HCN2: variants seen among roughly 807,000 people sequenced by gnomAD.
HCN2 encodes potassium/sodium hyperpolarization-activated cyclic nucleotide-gated channel 2.
Under a neutral mutation model 52.3 loss-of-function variants are expected in HCN2, and 20 were observed. The observed-to-expected ratio is 0.38, with a 90% CI of 0.27 to 0.56. The LOEUF (loss-of-function observed/expected upper bound fraction) is 0.56, where lower values mean the gene tolerates loss of function less well. Ranked by LOEUF, HCN2 falls within the 20% of genes least tolerant of loss-of-function variation. HCN2 has a pLI of 0.71. For missense variants in HCN2, 981 were observed against 1,207.7 expected (o/e 0.81, Z 2.78); for synonymous variants, 694 against 537.0 (o/e 1.29, Z -4.04).
chr19:615,375 G>A (rs1983851790), intron 7 of HCN2, among the ~76,000 whole-genome samples: 1 of 152,152 alleles, frequency 6.6e-6, no homozygotes, highest in African/African-American at 2.4e-5. Context: ...TTAGCCGGGT[G>A]TGGTGGCGGG....
rs1357528986 is a variant in HCN2, at chr19:616,923, C to T, written c.*449C>T. Reference sequence around the variant, plus strand: ...CCCATCGCGCTCACGCAATAACCGGCCCGGCCCCCGTCCGCGCGCGTCCCC... The same window carrying T: ...CCCATCGCGCTCACGCAATAACCGGTCCGGCCCCCGTCCGCGCGCGTCCCC... On this transcript the variant is annotated 3_prime_UTR_variant, in exon 8 of 8. Coordinates refer to ENST00000251287, the MANE Select transcript of HCN2 (RefSeq NM_001194.4). 6 of 354,148 alleles carry T rather than the reference C, an allele frequency of 1.7e-5. No individual in the cohort carries two copies. The highest frequency in any genetic ancestry group is 2.6e-5 in the Non-Finnish European group (5 of 189,034). The allele number at this position is 354,148 out of a possible 1,614,324, so 21.9% of individuals were successfully genotyped here.
At chr19:601,160 A>G (rs1254362389) in intron 1 of HCN2, among the ~76,000 whole-genome samples, 1 of 152,200 alleles carries the variant, frequency 6.6e-6, no homozygotes, top group Non-Finnish European at 1.5e-5. Flanking sequence ...TAAAAATACA[A>G]AAATGAGCCA....
Position 591,602 on chromosome 19 carries a change from G to C in HCN2, c.632+1025G>C, listed in dbSNP as rs1049799519. 6.6e-6 allele frequency among the ~76,000 whole-genome samples: 1 copy of C among 152,096 alleles called. No homozygotes were observed. The highest frequency in any genetic ancestry group is 2.1e-4 in the South Asian group (1 of 4,828). On this transcript the variant is annotated intron_variant, in intron 1 of 7. Transcript: ENST00000251287. This position sits in a 1 kb window ranked among gnomAD's most constrained non-coding sequence, Gnocchi z 4.1. ...GTGGGGTGTGAGGTGGGGTGTGGAG[G>C]GTGCAGGTGGAGGGTGTAGGTGGGG...
At position 608,062 on chromosome 19, in the gene HCN2, G is replaced by A. The variant is rs1356430532; in HGVS notation, c.1317G>A (p.Thr439=). The change falls in exon 4 of 8, where the codon ACG becomes ACA. Residue 439 remains threonine, a synonymous_variant. Transcript: ENST00000251287. ...GYGRQAPESM[T]DIWLTMLSMI... is the part of the protein sequence containing the mutation. ...GCCGGCAGGCGCCCGAGAGCATGAC[G>A]GACATCTGGCTGACCATGCTCAGCA... 17 of 1,612,966 alleles carry A rather than the reference G, an allele frequency of 1.1e-5. No homozygotes were observed. Among genetic ancestry groups the A allele is most frequent in the African/African-American group, 8.0e-5 (6 of 74,930 alleles).
rs1983783546 is a variant in HCN2, at chr19:613,937, C to T, written c.1911C>T (p.Asn637=). The T allele has an allele frequency of 5.6e-6, 9 of 1,603,742 alleles. No individual in the cohort carries two copies. The highest frequency in any genetic ancestry group is 7.7e-6 in the Non-Finnish European group (9 of 1,175,118). The change falls in exon 7 of 8, where the codon AAC becomes AAT. Residue 637 remains asparagine (N), a synonymous_variant. Transcript: ENST00000251287. ...YCRLYSLSVD[N]FNEVLEEYPM... ...GCCTCTATTCGCTGAGCGTGGACAA[C>T]TTCAACGAGGTGCTGGAGGAGTACC...
At chr19:608,314 G>A in intron 4 of HCN2, 132 bp downstream of exon 4, 4 of 814,272 alleles carry the variant, frequency 4.9e-6, no homozygotes, top group South Asian at 1.6e-5. Context: ...GTCTGAGGCT[G>A]GAGGGAGGCC....
In HCN2 at chr19:616,688, G is replaced by C. The variant is rs55760240; in HGVS notation, c.*214G>C. On this transcript the variant is annotated 3_prime_UTR_variant, in exon 8 of 8. Transcript: ENST00000251287. ...TCATCGCCCCGCGCCCACCCCCATC[G>C]CCCCTGCCCCCGGCGGCGGCCTCGC... The C allele has an allele frequency of 1.5e-5, 3 of 197,574 alleles. No individual in the cohort carries two copies. Among genetic ancestry groups the C allele is most frequent in the African/African-American group, 2.9e-5 (1 of 33,944 alleles). 12.2% of individuals were successfully genotyped at this position (197,574 alleles called of 1,614,324 possible). A position where few individuals can be genotyped will look rare whatever the true frequency, so the allele number is the denominator to read the frequency against.
At chr19:603,496 G>C (rs1365314987) in intron 1 of HCN2, 48 bp from the exon 2 acceptor site, 12 of 1,491,034 alleles carry the variant, frequency 8.0e-6, no homozygotes, top group Non-Finnish European at 9.2e-6. Flanking sequence ...GGTCCCGCAG[G>C]TGCCCCGGGG....
chr19:613,484 CGGGGGTGAGCTTGAG>C lies in HCN2; in HGVS notation c.1825+2_1825+16del. The C allele has an allele frequency of 7.3e-7, 1 of 1,372,270 alleles. No homozygotes were observed. The highest frequency in any genetic ancestry group is 9.6e-7 in the Non-Finnish European group (1 of 1,037,892). The allele number at this position is 1,372,270 out of a possible 1,614,324, so 85.0% of individuals were successfully genotyped here. On this transcript the variant is annotated splice_donor_variant and splice_donor_5th_base_variant and coding_sequence_variant and intron_variant, in exon 6 of 8. Coordinates refer to ENST00000251287, the MANE Select transcript of HCN2 (RefSeq NM_001194.4). LOFTEE classifies it high-confidence loss of function. ...TGAAGCTGTCCGATGGCTCCTACTTCGGGGGTGAGCTTGAGGGGGGCGCGCCTGGAGGGGGAGGGG... is the reference window on the plus strand; with the variant it reads ...TGAAGCTGTCCGATGGCTCCTACTTCGGGGGCGCGCCTGGAGGGGGAGGGG...
rs976857818 is a variant in HCN2, at chr19:590,446, C to T, written c.501C>T (p.Phe167=). The T allele has an allele frequency of 6.7e-7, 1 of 1,502,710 alleles. No individual in the cohort carries two copies. Among genetic ancestry groups the T allele is most frequent in the South Asian group, 1.2e-5 (1 of 80,954 alleles). 93.1% of individuals were successfully genotyped at this position (1,502,710 alleles called of 1,614,324 possible). A position where few individuals can be genotyped will look rare whatever the true frequency, so the allele number is the denominator to read the frequency against. ...AGGCCAGCTTCATGCAGCGCCAGTT[C>T]GGCGCGCTCCTGCAGCCGGGCGTCA... is the stretch of plus-strand genomic sequence containing the variant. The part of the protein sequence containing the change: ...GSQASFMQRQ[F]GALLQPGVNK... Residue 167 remains phenylalanine, a synonymous_variant, in exon 1 of 8, where the codon TTC becomes TTT. Transcript: ENST00000251287. This position sits in a 1 kb window ranked among gnomAD's most constrained non-coding sequence, Gnocchi z 7.2.
intron 2 of HCN2, 138 bp downstream of exon 2, chr19:604,105 CT>C (rs1385254771): frequency 1.7e-6 from 1 of 581,918 alleles, no homozygotes; most frequent in African/African-American, 2.5e-5. Context: ...TATGAGAGAT[CT>C]GGGTGGGGTC....
At chr19:600,576 A>AC (rs1322807764) in intron 1 of HCN2, among the ~76,000 whole-genome samples, 2 of 150,628 alleles carry the variant, frequency 1.3e-5, no homozygotes, top group Non-Finnish European at 3.0e-5. Flanking sequence ...TGATCTCTTG[A>AC]CCTCATGATG....
intron 3 of HCN2, 24 bp downstream of exon 3, chr19:605,246 A>AG: frequency 6.2e-7 from 1 of 1,606,988 alleles, no homozygotes. Context: ...GCCCTGACGG[A>AG]GGGGGAGACG....
chr19:616,605 T>A lies in HCN2; in HGVS notation c.*131T>A, dbSNP rs868829990. The A allele has an allele frequency of 1.2e-4, 61 of 500,548 alleles. No individual in the cohort carries two copies. Among genetic ancestry groups the A allele is most frequent in the Middle Eastern group, 1.5e-3 (2 of 1,352 alleles). 31.0% of individuals were successfully genotyped at this position (500,548 alleles called of 1,614,324 possible). A position where few individuals can be genotyped will look rare whatever the true frequency, so the allele number is the denominator to read the frequency against. ...ATAGACGAGACGTAGGTAGCCGTAG[T>A]TGGACGGACGGGCAGGGCCGGCGGG... is the stretch of plus-strand genomic sequence containing the variant. On this transcript the variant is annotated 3_prime_UTR_variant, in exon 8 of 8. Transcript: ENST00000251287.
rs768327545 is a variant in HCN2 at position 609,546 on chromosome 19, G to A, written c.1438-713G>A. Among the ~76,000 whole-genome samples the A allele has an allele frequency of 7.2e-5, 11 of 152,324 alleles. 1 individual carries two copies. Among genetic ancestry groups the A allele is most frequent in the African/African-American group, 2.4e-4 (10 of 41,570 alleles). The stretch of plus-strand genomic sequence containing the variant: ...TCTGGGAGGCCGAGACAGGCCGATC[G>A]CCTGAGGTCAGGAGTTTAAGACCAG... On this transcript the variant is annotated intron_variant, in intron 4 of 7. Coordinates refer to ENST00000251287, the MANE Select transcript of HCN2 (RefSeq NM_001194.4).
rs749600366 is a variant in HCN2 at position 614,027 on chromosome 19, C to G, written c.1990+11C>G. On this transcript the variant is annotated intron_variant, in intron 7 of 7. Coordinates refer to ENST00000251287, the MANE Select transcript of HCN2 (RefSeq NM_001194.4). ...GCCTGGACCGCATCGGTGAGCGGGC[C>G]GGGGGCGTGGCCGGGGCGGGTGCCC... is the stretch of plus-strand genomic sequence containing the variant. The G allele has an allele frequency of 1.0e-6, 1 of 963,026 alleles. No individual in the cohort carries two copies. Among genetic ancestry groups the G allele is most frequent in the Non-Finnish European group, 1.4e-6 (1 of 727,974 alleles). 59.7% of individuals were successfully genotyped at this position (963,026 alleles called of 1,614,324 possible).
chr19:613,894 G>C lies in HCN2; in HGVS notation c.1868G>C (p.Arg623Pro). Reference sequence around the variant, plus strand: ...CGGGGCCGCCGCACGGCGAGCGTGCGGGCTGACACCTACTGCCGCCTCTAT... The same window carrying C: ...CGGGGCCGCCGCACGGCGAGCGTGCCGGCTGACACCTACTGCCGCCTCTAT... Reference protein sequence around the residue: ...LTRGRRTASVRADTYCRLYSL... With the variant: ...LTRGRRTASVPADTYCRLYSL... Residue 623 changes from arginine (R) to proline (P), a missense_variant, in exon 7 of 8, where the codon CGG becomes CCG. Coordinates refer to ENST00000251287, the MANE Select transcript of HCN2 (RefSeq NM_001194.4). 1 of 1,598,840 alleles carries C rather than the reference G, an allele frequency of 6.3e-7. No individual in the cohort carries two copies. Among genetic ancestry groups the C allele is most frequent in the Non-Finnish European group, 8.5e-7 (1 of 1,172,926 alleles).
intron 3 of HCN2, among the ~76,000 whole-genome samples, 188 bp downstream of exon 3, chr19:605,410 G>A (rs1600527663): frequency 1.1e-5 from 1 of 87,304 alleles, no homozygotes; most frequent in African/African-American, 4.9e-5. Flanking sequence ...CCCTTATGGA[G>A]GGGAGGACTC....
chr19:602,808 C>T (rs1301447356), intron 1 of HCN2, among the ~76,000 whole-genome samples: 2 of 152,322 alleles, frequency 1.3e-5, no homozygotes, highest in East Asian at 1.9e-4. Context: ...TTCAAGGACA[C>T]GGGGTCAAAG....
Sources: gnomAD v4.1 joint callset for allele counts (sites outside exome capture counted in the v4.1 genomes callset) on GRCh38, gnomAD v4.1.1 for gene constraint, Gnocchi (gnomAD v3.1) non-coding constraint, MANE v1.5 for transcripts, NCBI Gene and HGNC (gene_info 2026-07-23, HGNC 2026-07-21) for gene names.